The following PRKAA2 variants were observed in gnomAD, a reference collection of about 807,000 sequenced individuals.
The protein encoded by PRKAA2 is protein kinase AMP-activated catalytic subunit alpha 2, also known as 5'-AMP-activated protein kinase catalytic subunit alpha-2.
A neutral mutation model predicts 56.3 loss-of-function variants in PRKAA2; 40 were observed. The ratio of observed to expected loss-of-function variants is 0.71; its 90% confidence interval spans 0.55 to 0.92. The LOEUF (loss-of-function observed/expected upper bound fraction) is 0.92. Ranked by LOEUF, PRKAA2 falls within the 40% of genes least tolerant of loss-of-function variation. The probability of loss-of-function intolerance (pLI) is 0.00; values close to 1 mark genes in which losing one functional copy is unlikely to be tolerated. For synonymous variants in PRKAA2, 214 were observed against 234.2 expected (o/e 0.91, Z 0.79); for missense variants, 542 against 686.9 (o/e 0.79, Z 2.36).
intron 1 of PRKAA2, among the ~76,000 whole-genome samples, chr1:56,667,560 A>G (rs1442757512): frequency 6.6e-6 from 1 of 152,170 alleles, no homozygotes; most frequent in African/African-American, 2.4e-5. Flanking sequence ...TTAGGAACAT[A>G]GGCTTTAGAA....
chr1:56,662,472 G>A (rs1016295679), intron 1 of PRKAA2, among the ~76,000 whole-genome samples: 13 of 151,532 alleles, frequency 8.6e-5, no homozygotes, highest in Non-Finnish European at 1.9e-4. Flanking sequence ...AAATACAGAC[G>A]AGGTCTCACT....
intron 1 of PRKAA2, among the ~76,000 whole-genome samples, chr1:56,658,379 CAAAAAGAA>C: frequency 6.6e-6 from 1 of 151,930 alleles, no homozygotes; most frequent in Admixed American, 6.6e-5. Context: ...ATAAGAGAGA[CAAAAAGAA>C]AATAGACACA....
intron 1 of PRKAA2, among the ~76,000 whole-genome samples, chr1:56,659,868 A>C (rs1035168343): frequency 6.6e-6 from 1 of 152,180 alleles, no homozygotes; most frequent in African/African-American, 2.4e-5. Context: ...TGAGCGTCCT[A>C]CTGCACTCCA....
chr1:56,679,494 C>G (rs1283633792), intron 2 of PRKAA2, among the ~76,000 whole-genome samples: 1 of 152,164 alleles, frequency 6.6e-6, no homozygotes, highest in Non-Finnish European at 1.5e-5. Flanking sequence ...TGCAGTTTCC[C>G]AAGCCCCAAA....
At chr1:56,690,009 T>C (rs1415678638) in intron 2 of PRKAA2, among the ~76,000 whole-genome samples, 1 of 150,468 alleles carries the variant, frequency 6.6e-6, no homozygotes, top group Non-Finnish European at 1.5e-5. Flanking sequence ...GCATGTCTTA[T>C]TCACCTTCAA....
intron 1 of PRKAA2, among the ~76,000 whole-genome samples, chr1:56,653,281 A>G (rs1643915758): frequency 6.7e-6 from 1 of 149,950 alleles, no homozygotes; most frequent in Non-Finnish European, 1.5e-5. Context: ...TAATATATAT[A>G]TAATTTATAT....
chr1:56,676,427 T>C (rs933402073), intron 2 of PRKAA2, among the ~76,000 whole-genome samples: 8 of 152,124 alleles, frequency 5.3e-5, no homozygotes, highest in African/African-American at 1.9e-4. Flanking sequence ...AAAGGGAGCA[T>C]GAGTCAATGA....
At position 56,712,635 on chromosome 1, in the gene PRKAA2, C is replaced by T. The variant is rs6663750; in HGVS notation, c.*4922C>T. Reference sequence around the variant, plus strand: ...GGGAGGCCAAAGTGGGTGGATCACCCGAGTTCAGGAGTTCGAGACCAGTCT... The same window carrying T: ...GGGAGGCCAAAGTGGGTGGATCACCTGAGTTCAGGAGTTCGAGACCAGTCT... On this transcript the variant is annotated 3_prime_UTR_variant, in exon 9 of 9. Transcript: ENST00000371244. 0.31 allele frequency: 46,958 copies of T among 151,910 alleles called. 8,017 individuals are homozygous for T. Among genetic ancestry groups the T allele is most frequent in the Admixed American group, 0.46 (7,052 of 15,258 alleles). 9.4% of individuals were successfully genotyped at this position (151,910 alleles called of 1,614,324 possible).
At position 56,700,197 on chromosome 1, in the gene PRKAA2, A is replaced by G. The variant is rs146538407; in HGVS notation, c.789-3774A>G. 2.5e-3 allele frequency among the ~76,000 whole-genome samples: 383 copies of G among 152,146 alleles called. 3 individuals carry two copies. The highest frequency in any genetic ancestry group is 8.6e-3 in the African/African-American group (356 of 41,508). ...TTCTGTAAAATCTGTATTCTTTTTT[A>G]TATATGGCTACTGAAATCTCTCTTT... is the stretch of plus-strand genomic sequence containing the variant. On this transcript the variant is annotated intron_variant, in intron 6 of 8. Coordinates refer to ENST00000371244, the MANE Select transcript of PRKAA2 (RefSeq NM_006252.4).
intron 1 of PRKAA2, among the ~76,000 whole-genome samples, chr1:56,656,195 C>T (rs1251445501): frequency 6.6e-6 from 1 of 151,836 alleles, no homozygotes; most frequent in African/African-American, 2.4e-5. Context: ...AAGAAAATAC[C>T]CAGACTGAAA....
At chr1:56,668,599 A>G (rs1243482177) in intron 1 of PRKAA2, among the ~76,000 whole-genome samples, 1 of 152,094 alleles carries the variant, frequency 6.6e-6, no homozygotes, top group African/African-American at 2.4e-5. Context: ...AAAATAGGTT[A>G]TAATTTTGGC....
intron 1 of PRKAA2, among the ~76,000 whole-genome samples, chr1:56,665,916 T>C (rs1283179910): frequency 6.6e-6 from 1 of 152,210 alleles, no homozygotes; most frequent in East Asian, 1.9e-4. Flanking sequence ...GTAGTTCTGG[T>C]GCTGATGGTT....
intron 6 of PRKAA2, among the ~76,000 whole-genome samples, chr1:56,696,766 C>CT (rs1254982239): frequency 6.6e-6 from 1 of 152,066 alleles, no homozygotes; most frequent in African/African-American, 2.4e-5. Flanking sequence ...ACTGTGAAGG[C>CT]TTTTTTGTCA....
intron 6 of PRKAA2, among the ~76,000 whole-genome samples, chr1:56,699,657 T>A (rs927702870): frequency 1.3e-5 from 2 of 152,218 alleles, no homozygotes; most frequent in Admixed American, 6.5e-5. Flanking sequence ...ATTCACTGGC[T>A]TTTAGTGTAT....
At chr1:56,649,498 A>G (rs1013272348) in intron 1 of PRKAA2, among the ~76,000 whole-genome samples, 2 of 152,182 alleles carry the variant, frequency 1.3e-5, no homozygotes, top group African/African-American at 4.8e-5. Context: ...CCTGGGCAGC[A>G]TAGGGAGACC....
Position 56,693,901 on chromosome 1 carries a change from A to G in PRKAA2, c.563+49A>G, listed in dbSNP as rs773616741. 123 of 1,251,370 alleles carry G rather than the reference A, an allele frequency of 9.8e-5. 1 individual carries two copies. The Middle Eastern group carries it at 7.6e-3, about 77-fold the overall frequency. The allele number at this position is 1,251,370 out of a possible 1,614,324, so 77.5% of individuals were successfully genotyped here. On this transcript the variant is annotated intron_variant, in intron 5 of 8. Transcript: ENST00000371244. ...TTTTTGTAATCTTGTGTTCATTTTG[A>G]TAACATTTAATTACAATATATTCTC...
intron 6 of PRKAA2, among the ~76,000 whole-genome samples, chr1:56,701,381 C>T (rs149529686): frequency 1.5e-3 from 224 of 151,230 alleles, no homozygotes; most frequent in African/African-American, 5.1e-3. Flanking sequence ...GGTGACAGAG[C>T]GAGACTCCAT....
intron 1 of PRKAA2, among the ~76,000 whole-genome samples, chr1:56,662,151 A>G (rs1327165712): frequency 1.3e-5 from 2 of 152,102 alleles, no homozygotes; most frequent in African/African-American, 2.4e-5. Context: ...TGTGTCTTAC[A>G]TATAGTCATT....
intron 1 of PRKAA2, among the ~76,000 whole-genome samples, chr1:56,652,606 G>A (rs976057538): frequency 6.6e-6 from 1 of 152,212 alleles, no homozygotes; most frequent in African/African-American, 2.4e-5. Flanking sequence ...AAAACCATTA[G>A]ATGCTGAGCC....
Sources: gnomAD v4.1 joint callset for allele counts (sites outside exome capture counted in the v4.1 genomes callset) on GRCh38, gnomAD v4.1.1 for gene constraint, MANE v1.5 for transcripts, NCBI Gene and HGNC (gene_info 2026-07-23, HGNC 2026-07-21) for gene names.